SNTG1: variants seen among roughly 807,000 people sequenced by gnomAD.
SNTG1 encodes syntrophin gamma 1.
Under a neutral mutation model 74.7 loss-of-function variants are expected in SNTG1, and 39 were observed. The ratio of observed to expected loss-of-function variants is 0.52; its 90% CI spans 0.40 to 0.68. SNTG1 has a LOEUF of 0.68. Among genes scored for constraint, SNTG1 ranks in the 30% least tolerant of loss-of-function variants. SNTG1 has a pLI of 0.00. For missense variants in SNTG1, 685 were observed against 609.5 expected, an observed-to-expected ratio of 1.12 and a Z score of -1.30; for synonymous variants, 254 against 217.1, an observed-to-expected ratio of 1.17 and a Z score of -1.49.
At chr8:50,576,648 G>A (rs2094578223) in intron 12 of SNTG1, among the ~76,000 whole-genome samples, 2 of 151,780 alleles carry the variant, frequency 1.3e-5, no homozygotes, top group South Asian at 4.2e-4. Context: ...GAAATGTTTT[G>A]TAGATTACAT....
intron 15 of SNTG1, among the ~76,000 whole-genome samples, chr8:50,694,566 A>T (rs2095396455): frequency 6.6e-6 from 1 of 152,054 alleles, no homozygotes; most frequent in South Asian, 2.1e-4. Context: ...ATGAGGGAAC[A>T]CTTCCAAACT....
chr8:50,779,198 T>C (rs1485862812), intron 18 of SNTG1, among the ~76,000 whole-genome samples: 2 of 152,188 alleles, frequency 1.3e-5, no homozygotes, highest in Non-Finnish European at 2.9e-5. Flanking sequence ...TCTTTTTTGG[T>C]TCCATATGAA....
chr8:49,972,947 T>C (rs187567630), intron 1 of SNTG1, among the ~76,000 whole-genome samples: 1 of 152,148 alleles, frequency 6.6e-6, no homozygotes, highest in Non-Finnish European at 1.5e-5. Flanking sequence ...ATTGTGGAAG[T>C]TGGTGTGGCG....
At chr8:50,221,529 A>G (rs1246857153) in intron 2 of SNTG1, among the ~76,000 whole-genome samples, 3 of 151,616 alleles carry the variant, frequency 2.0e-5, no homozygotes, top group Non-Finnish European at 4.4e-5. Flanking sequence ...ACACACACAC[A>G]CACACACACA....
intron 1 of SNTG1, among the ~76,000 whole-genome samples, chr8:50,055,712 C>A (rs1428049495): frequency 6.6e-6 from 1 of 152,092 alleles, no homozygotes. Flanking sequence ...CCTCTCCCCT[C>A]GCCAGTCAGT....
chr8:50,024,601 C>T (rs1244914022), intron 1 of SNTG1, among the ~76,000 whole-genome samples: 1 of 152,118 alleles, frequency 6.6e-6, no homozygotes, highest in Non-Finnish European at 1.5e-5. Context: ...AAATGCTCTA[C>T]ATGCCATATT....
chr8:50,307,992 T>C (rs10504101), intron 2 of SNTG1, among the ~76,000 whole-genome samples: 7,386 of 152,002 alleles, frequency 0.049, 402 homozygotes, highest in South Asian at 0.17. Flanking sequence ...ACTCCTTCAA[T>C]GAAAATATAT....
chr8:50,030,982 T>A (rs1236521924), intron 1 of SNTG1, among the ~76,000 whole-genome samples: 1 of 152,004 alleles, frequency 6.6e-6, no homozygotes, highest in Non-Finnish European at 1.5e-5. Flanking sequence ...TGGCATTTTT[T>A]AATTTAGTTC....
intron 13 of SNTG1, among the ~76,000 whole-genome samples, chr8:50,623,057 T>G (rs916480951): frequency 1.3e-5 from 2 of 152,134 alleles, no homozygotes; most frequent in African/African-American, 4.8e-5. Flanking sequence ...CTAACAATTT[T>G]TGGTTTTGTT....
At chr8:50,251,208 A>G (rs1032290581) in intron 2 of SNTG1, among the ~76,000 whole-genome samples, 2 of 152,034 alleles carry the variant, frequency 1.3e-5, no homozygotes, top group African/African-American at 4.8e-5. Context: ...AAACACACAC[A>G]CAGACAAAAT....
intron 1 of SNTG1, among the ~76,000 whole-genome samples, chr8:49,981,659 AG>A: frequency 6.6e-6 from 1 of 152,324 alleles, no homozygotes; most frequent in South Asian, 2.1e-4. Context: ...AATGAATAAA[AG>A]TGAATCATTT....
chr8:50,182,163 C>T (rs940243543), intron 2 of SNTG1, among the ~76,000 whole-genome samples: 1 of 152,094 alleles, frequency 6.6e-6, no homozygotes, highest in African/African-American at 2.4e-5. Flanking sequence ...ATGAGCACCC[C>T]AGTCTAAATG....
chr8:50,147,244 G>A (rs1010537580), intron 1 of SNTG1, among the ~76,000 whole-genome samples: 3 of 152,108 alleles, frequency 2.0e-5, no homozygotes, highest in African/African-American at 7.2e-5. Context: ...GGACATCAGG[G>A]AATGTCAGAA....
chr8:50,410,032 G>A (rs1587516526), intron 4 of SNTG1, among the ~76,000 whole-genome samples: 1 of 152,274 alleles, frequency 6.6e-6, no homozygotes, highest in East Asian at 1.9e-4. Flanking sequence ...CACACAATTA[G>A]CAATCCCACG....
rs6473339 is a variant in SNTG1, at chr8:50,754,869, G to A, written c.1395+2758G>A. Among the ~76,000 whole-genome samples, 6 of 151,676 alleles carry A rather than the reference G, an allele frequency of 4.0e-5. No homozygotes were observed. In the East Asian group the frequency reaches 1.2e-3, roughly 30 times the overall value. On this transcript the variant is annotated intron_variant, in intron 18 of 18. Transcript: ENST00000642720. The stretch of plus-strand genomic sequence containing the variant: ...GACATCTTGTGTTTCTATTTTCATC[G>A]GTTCAATATGTTTTTATTTCCCTTA...
intron 1 of SNTG1, among the ~76,000 whole-genome samples, chr8:49,968,562 A>G (rs1379067299): frequency 6.6e-6 from 1 of 152,324 alleles, no homozygotes; most frequent in East Asian, 1.9e-4. Context: ...AATAAAGTTT[A>G]AAGTTTCCAG....
chr8:50,213,853 T>C (rs1411715151), intron 2 of SNTG1, among the ~76,000 whole-genome samples: 4 of 151,728 alleles, frequency 2.6e-5, no homozygotes, highest in Non-Finnish European at 5.9e-5. Flanking sequence ...GAGTAGGTTG[T>C]GAAAATTTTC....
chr8:50,683,164 G>C (rs1171372858), intron 15 of SNTG1, among the ~76,000 whole-genome samples: 2 of 152,156 alleles, frequency 1.3e-5, no homozygotes, highest in Non-Finnish European at 2.9e-5. Flanking sequence ...CAGCAGGCTT[G>C]CAATCCATTT....
intron 8 of SNTG1, among the ~76,000 whole-genome samples, chr8:50,493,816 A>G (rs981704611): frequency 9.8e-5 from 14 of 142,240 alleles, no homozygotes; most frequent in African/African-American, 3.9e-4. Flanking sequence ...GTAATTGCTG[A>G]AAAAAAACAA....
Sources: allele counts gnomAD v4.1 joint callset (sites outside exome capture counted in the v4.1 genomes callset), GRCh38; gene constraint gnomAD v4.1.1; transcripts MANE v1.5; gene names NCBI Gene and HGNC (gene_info 2026-07-23, HGNC 2026-07-21).